ZFHX3: variants seen among roughly 807,000 people sequenced by gnomAD.
The protein encoded by ZFHX3 is zinc finger homeobox 3.
Under a neutral mutation model 279.1 loss-of-function variants are expected in ZFHX3, and 42 were observed. The ratio of observed to expected loss-of-function variants is 0.15; its 90% CI spans 0.12 to 0.19. The LOEUF (loss-of-function observed/expected upper bound fraction) is 0.19. Ranked by LOEUF, ZFHX3 falls within the 10% of genes least tolerant of loss-of-function variation. ZFHX3 has a pLI of 1.00. For synonymous variants in ZFHX3, 2,293 were observed against 1,957.8 expected (o/e 1.17, Z -4.52); for missense variants, 4,981 against 4,754.0 (o/e 1.05, Z -1.40).
intron 6 of ZFHX3, among the ~76,000 whole-genome samples, chr16:73,142,538 G>T (rs1966850312): frequency 6.6e-6 from 1 of 152,166 alleles, no homozygotes; most frequent in African/African-American, 2.4e-5. Flanking sequence ...TTCCTGTACA[G>T]AGAAAATCCT....
intron 1 of ZFHX3, among the ~76,000 whole-genome samples, chr16:73,039,340 C>A (rs143546599): frequency 3.3e-5 from 5 of 152,304 alleles, no homozygotes; most frequent in East Asian, 1.9e-4. Flanking sequence ...GAATCACATA[C>A]GCAGAGGCTG....
At chr16:73,311,589 C>CAAAAAAAAAAAAAAAAA (rs1156241061) in intron 4 of ZFHX3, among the ~76,000 whole-genome samples, 1 of 27,978 alleles carries the variant, frequency 3.6e-5, no homozygotes, top group Non-Finnish European at 6.7e-5. Flanking sequence ...TACTCCATCT[C>CAAAAAAAAAAAAAAAAA]AAAAAAAAAA....
chr16:73,730,371 A>AG (rs2053559313), intron 1 of ZFHX3, among the ~76,000 whole-genome samples: 1 of 118,924 alleles, frequency 8.4e-6, no homozygotes, highest in Non-Finnish European at 1.9e-5. Context: ...AAAAAAAAAA[A>AG]AAAAGAAAAA....
intron 3 of ZFHX3, among the ~76,000 whole-genome samples, chr16:73,375,762 C>T (rs1275567342): frequency 2.6e-5 from 4 of 152,098 alleles, no homozygotes; most frequent in African/African-American, 9.7e-5. Context: ...ACCCAATAGT[C>T]CCAGGAAAAC....
rs988416828 is a variant in ZFHX3, at chr16:72,783,044, G to A, written c.*4120C>T. On this transcript the variant is annotated 3_prime_UTR_variant, in exon 10 of 10. Coordinates refer to ENST00000268489, the MANE Select transcript of ZFHX3 (RefSeq NM_006885.4). ...TTTTTCAGTTTGAAAGTTCCATGTG[G>A]TTCTGTTTGTTAGTCTCCATGTATT... 1 of 152,310 alleles carries A rather than the reference G, an allele frequency of 6.6e-6. No homozygotes were observed. Among genetic ancestry groups the A allele is most frequent in the Admixed American group, 6.6e-5 (1 of 15,248 alleles). 9.4% of individuals were successfully genotyped at this position (152,310 alleles called of 1,614,324 possible).
At chr16:73,491,253 G>A (rs1020316217) in intron 2 of ZFHX3, among the ~76,000 whole-genome samples, 19 of 152,048 alleles carry the variant, frequency 1.2e-4, no homozygotes, top group Non-Finnish European at 2.6e-4. Context: ...TTATTGTGTC[G>A]GGGGCAGAGA....
chr16:73,005,089 A>C (rs1963656331), intron 1 of ZFHX3, among the ~76,000 whole-genome samples: 1 of 152,216 alleles, frequency 6.6e-6, no homozygotes, highest in Admixed American at 6.5e-5. Context: ...GCTGACTTTG[A>C]GCCTGTTACT....
chr16:73,472,700 C>T (rs1025688673), intron 2 of ZFHX3, among the ~76,000 whole-genome samples: 17 of 152,308 alleles, frequency 1.1e-4, no homozygotes, highest in African/African-American at 4.1e-4. Context: ...AATGGGAAGG[C>T]CCAGAAGGAG....
At chr16:73,189,095 C>G (rs370111217) in intron 5 of ZFHX3, among the ~76,000 whole-genome samples, 28 of 152,284 alleles carry the variant, frequency 1.8e-4, no homozygotes, top group African/African-American at 6.7e-4. Context: ...ATCTCTTGAC[C>G]TTGTGATCCA....
intron 4 of ZFHX3, among the ~76,000 whole-genome samples, chr16:73,294,473 G>T (rs1253924382): frequency 1.3e-5 from 2 of 152,226 alleles, no homozygotes; most frequent in Non-Finnish European, 1.5e-5. Flanking sequence ...TTATTTTGGA[G>T]ACAGTAGAAT....
intron 5 of ZFHX3, among the ~76,000 whole-genome samples, chr16:73,186,615 G>A (rs1338291922): frequency 7.0e-6 from 1 of 143,512 alleles, no homozygotes; most frequent in Non-Finnish European, 1.5e-5. Flanking sequence ...ATGCATCAAA[G>A]AACTTGGCCT....
chr16:73,140,969 T>C (rs537031987), intron 6 of ZFHX3, among the ~76,000 whole-genome samples: 1 of 152,320 alleles, frequency 6.6e-6, no homozygotes, highest in Admixed American at 6.5e-5. Context: ...CCCCTCTCTT[T>C]GACTTCTCTC....
At chr16:73,054,814 C>G (rs1965516009) in intron 1 of ZFHX3, among the ~76,000 whole-genome samples, 1 of 152,128 alleles carries the variant, frequency 6.6e-6, no homozygotes, top group Admixed American at 6.5e-5. Context: ...GACTGTAAAT[C>G]TATAACCACT....
intron 1 of ZFHX3, among the ~76,000 whole-genome samples, chr16:72,995,775 A>G (rs1476464115): frequency 6.6e-6 from 1 of 152,174 alleles, no homozygotes; most frequent in Non-Finnish European, 1.5e-5. Flanking sequence ...CACCATCAAC[A>G]AAGGAAAGCT....
At chr16:72,954,992 C>G (rs777398781) in intron 2 of ZFHX3, among the ~76,000 whole-genome samples, 2 of 152,124 alleles carry the variant, frequency 1.3e-5, no homozygotes, top group Non-Finnish European at 2.9e-5. Flanking sequence ...GGAAAAAAAA[C>G]CAGTACAGCC....
At chr16:72,800,568 G>A (rs2143488616) in intron 7 of ZFHX3, among the ~76,000 whole-genome samples, 1 of 152,260 alleles carries the variant, frequency 6.6e-6, no homozygotes, top group South Asian at 2.1e-4. Context: ...TTGTAGTACT[G>A]TTTTCAGAAC....
intron 3 of ZFHX3, among the ~76,000 whole-genome samples, chr16:73,413,496 G>A (rs959829478): frequency 7.2e-5 from 11 of 152,204 alleles, no homozygotes; most frequent in African/African-American, 2.7e-4. Context: ...AGGGCAGTGA[G>A]ACCAGATGTG....
chr16:73,752,147 G>A (rs1251573982), intron 1 of ZFHX3, among the ~76,000 whole-genome samples: 1 of 152,136 alleles, frequency 6.6e-6, no homozygotes, highest in African/African-American at 2.4e-5. Context: ...ACGTAGGAGA[G>A]TAACTCCCAG....
intron 1 of ZFHX3, among the ~76,000 whole-genome samples, chr16:73,778,426 T>C (rs1959338067): frequency 6.6e-6 from 1 of 152,140 alleles, no homozygotes; most frequent in African/African-American, 2.4e-5. Flanking sequence ...AAAAGTTGTA[T>C]TGAATGGATG....
Sources: gnomAD v4.1 joint callset for allele counts (sites outside exome capture counted in the v4.1 genomes callset) on GRCh38, gnomAD v4.1.1 for gene constraint, MANE v1.5 for transcripts, NCBI Gene and HGNC (gene_info 2026-07-23, HGNC 2026-07-21) for gene names.